TNS3: variants seen among roughly 807,000 people sequenced by gnomAD.
The protein encoded by TNS3 is tensin 3, also known as tensin-3.
TNS3 carries 45 observed loss-of-function variants against 140.9 expected under a neutral mutation model. That is an observed-to-expected ratio of 0.32 (90% CI 0.25 to 0.41). The LOEUF is 0.41. TNS3 is among the 10% of genes least tolerant of loss of function. TNS3 has a pLI of 1.00. For synonymous variants in TNS3, 815 were observed against 788.4 expected (o/e 1.03, Z -0.56); for missense variants, 1,716 against 1,906.7 (o/e 0.90, Z 1.86).
intron 3 of TNS3, among the ~76,000 whole-genome samples, chr7:47,486,765 T>C (rs1197692974): frequency 6.6e-6 from 1 of 152,242 alleles, no homozygotes; most frequent in African/African-American, 2.4e-5. Context: ...CAGCTTTTAT[T>C]GTTGTTTCTT....
chr7:47,568,728 G>T (rs1800484900), intron 1 of TNS3, among the ~76,000 whole-genome samples: 2 of 152,262 alleles, frequency 1.3e-5, no homozygotes, highest in Admixed American at 6.5e-5. Context: ...AAACAGAACA[G>T]TGCGTTATGG....
intron 20 of TNS3, among the ~76,000 whole-genome samples, chr7:47,341,305 C>T (rs188194519): frequency 5.9e-5 from 9 of 152,166 alleles, no homozygotes; most frequent in Admixed American, 2.6e-4. Flanking sequence ...GAAGGTATTG[C>T]GTAGAATCAG....
At chr7:47,460,140 G>A (rs1796422490) in intron 4 of TNS3, among the ~76,000 whole-genome samples, 1 of 150,332 alleles carries the variant, frequency 6.7e-6, no homozygotes, top group Admixed American at 6.6e-5. Context: ...GTGAACCTGA[G>A]AGGCGGAGCT....
At chr7:47,422,331 G>A (rs963584724) in intron 10 of TNS3, among the ~76,000 whole-genome samples, 1 of 152,202 alleles carries the variant, frequency 6.6e-6, no homozygotes, top group African/African-American at 2.4e-5. Flanking sequence ...AATGTGAGAA[G>A]AGCAGGGCAT....
intron 2 of TNS3, among the ~76,000 whole-genome samples, chr7:47,511,933 G>A (rs527537405): frequency 2.6e-4 from 40 of 152,346 alleles, no homozygotes; most frequent in African/African-American, 6.3e-4. Context: ...ATGCAGCCCC[G>A]TTATTGGCTG....
chr7:47,391,924 C>G (rs75385799), intron 16 of TNS3, among the ~76,000 whole-genome samples: 1 of 152,118 alleles, frequency 6.6e-6, no homozygotes, highest in Non-Finnish European at 1.5e-5. Context: ...CGCACGGTCT[C>G]GAGCACAAGA....
At chr7:47,580,358 T>A (rs538939231) in intron 1 of TNS3, among the ~76,000 whole-genome samples, 2 of 152,286 alleles carry the variant, frequency 1.3e-5, no homozygotes, top group East Asian at 3.9e-4. Context: ...GTAATTTGGG[T>A]GAAATGAAAT....
chr7:47,515,902 A>C (rs1798763571), intron 2 of TNS3, among the ~76,000 whole-genome samples: 1 of 152,162 alleles, frequency 6.6e-6, no homozygotes, highest in South Asian at 2.1e-4. Context: ...TATTCCTCAC[A>C]ATGACTCTAA....
At chr7:47,501,444 T>C (rs2151863279) in intron 3 of TNS3, among the ~76,000 whole-genome samples, 1 of 152,290 alleles carries the variant, frequency 6.6e-6, no homozygotes, top group South Asian at 2.1e-4. Flanking sequence ...GACGAGAGTC[T>C]GCAGCCTCCG....
intron 6 of TNS3, among the ~76,000 whole-genome samples, chr7:47,437,941 G>C (rs1056853946): frequency 8.6e-5 from 13 of 151,092 alleles, no homozygotes; most frequent in African/African-American, 3.1e-4. Flanking sequence ...GCCTGGAAAG[G>C]GCTGAGTTCA....
intron 20 of TNS3, among the ~76,000 whole-genome samples, chr7:47,318,193 T>C (rs1787522571): frequency 6.6e-6 from 1 of 152,354 alleles, no homozygotes; most frequent in South Asian, 2.1e-4. Flanking sequence ...TTTGTCTTCT[T>C]GTGACTGACT....
chr7:47,280,418 C>T (rs879266755), intron 28 of TNS3, 64 bp from the exon 29 acceptor site: 23 of 1,463,212 alleles, frequency 1.6e-5, no homozygotes, highest in East Asian at 2.3e-5. Context: ...ATGGGGGATG[C>T]ACTGGGCGGG....
At chr7:47,516,657 T>C (rs1195121900) in intron 2 of TNS3, among the ~76,000 whole-genome samples, 1 of 152,198 alleles carries the variant, frequency 6.6e-6, no homozygotes, top group African/African-American at 2.4e-5. Context: ...CATCTACACA[T>C]GCGGCAGCAC....
chr7:47,324,624 CATCTGTAGTCCCAGCTACTCAGGAGGCTG>C, intron 20 of TNS3, among the ~76,000 whole-genome samples: 1 of 152,194 alleles, frequency 6.6e-6, no homozygotes, highest in Non-Finnish European at 1.5e-5. Context: ...TGGTGGTGCA[CATCTGTAGTCCCAGCTACTCAGGAGGCTG>C]AGGCCAGAGA....
chr7:47,582,255 T>G (rs1784555843), upstream of TNS3: 1 of 347,548 alleles, frequency 2.9e-6, no homozygotes, highest in Non-Finnish European at 5.6e-6. Flanking sequence ...ACCCTAACAA[T>G]GCAGCGCGCC....
chr7:47,409,294 C>T (rs1389014430), intron 13 of TNS3, among the ~76,000 whole-genome samples: 2 of 149,996 alleles, frequency 1.3e-5, no homozygotes, highest in Non-Finnish European at 2.9e-5. Context: ...CAGGAAGACC[C>T]TGCAGCTACC....
At chr7:47,296,683 C>A (rs1786043005) in intron 24 of TNS3, among the ~76,000 whole-genome samples, 1 of 152,112 alleles carries the variant, frequency 6.6e-6, no homozygotes, top group Non-Finnish European at 1.5e-5. Flanking sequence ...TGCTAGTTTT[C>A]ATATAAAAAA....
chr7:47,542,866 G>A (rs1255289900), intron 1 of TNS3, among the ~76,000 whole-genome samples: 4 of 148,830 alleles, frequency 2.7e-5, no homozygotes, highest in African/African-American at 9.9e-5. Context: ...GGAGGCAGAG[G>A]TTGCAGTGAG....
At chr7:47,340,118 T>TC (rs1788907229) in intron 20 of TNS3, among the ~76,000 whole-genome samples, 1 of 82,552 alleles carries the variant, frequency 1.2e-5, no homozygotes, top group African/African-American at 5.4e-5. Flanking sequence ...TATATATATT[T>TC]TTTTTTTTTT....
Sources: gnomAD v4.1 joint callset for allele counts (sites outside exome capture counted in the v4.1 genomes callset) on GRCh38, gnomAD v4.1.1 for gene constraint, MANE v1.5 for transcripts, NCBI Gene and HGNC (gene_info 2026-07-23, HGNC 2026-07-21) for gene names.